The following MAGI1 variants were observed in gnomAD, a reference collection of about 807,000 sequenced individuals.
MAGI1 encodes the protein membrane associated guanylate kinase, WW and PDZ domain containing 1.
Under a neutral mutation model 139.9 loss-of-function variants are expected in MAGI1, and 58 were observed. The observed-to-expected ratio is 0.41, with a 90% CI of 0.34 to 0.52. The LOEUF (loss-of-function observed/expected upper bound fraction) is 0.52, where lower values mean the gene tolerates loss of function less well. MAGI1 is among the 20% of genes least tolerant of loss of function. The pLI is 0.12. For missense variants in MAGI1, 1,874 were observed against 1,901.6 expected (o/e 0.99, Z 0.27); for synonymous variants, 812 against 737.9 (o/e 1.10, Z -1.63).
intron 2 of MAGI1, among the ~76,000 whole-genome samples, chr3:65,505,434 C>T (rs1275291656): frequency 6.6e-6 from 1 of 150,548 alleles, no homozygotes; most frequent in African/African-American, 2.4e-5. Flanking sequence ...CATGGTAGCT[C>T]ACGAGTTCAA....
intron 2 of MAGI1, among the ~76,000 whole-genome samples, chr3:65,619,090 G>A (rs1162736294): frequency 6.6e-6 from 1 of 152,198 alleles, no homozygotes; most frequent in Admixed American, 6.5e-5. Context: ...AATAGCACTG[G>A]ATGAACACTT....
At chr3:65,414,127 G>A (rs1017710463) in intron 12 of MAGI1, among the ~76,000 whole-genome samples, 3 of 152,178 alleles carry the variant, frequency 2.0e-5, no homozygotes, top group Non-Finnish European at 4.4e-5. Flanking sequence ...AGTCAATGCA[G>A]ATGGTGATCT....
At chr3:65,984,185 T>C (rs1334217795) in intron 1 of MAGI1, among the ~76,000 whole-genome samples, 1 of 152,062 alleles carries the variant, frequency 6.6e-6, no homozygotes, top group African/African-American at 2.4e-5. Flanking sequence ...TCCCAGCTAC[T>C]TGGGAGGCTG....
chr3:65,779,305 A>G (rs1230063849), intron 1 of MAGI1, among the ~76,000 whole-genome samples: 1 of 152,204 alleles, frequency 6.6e-6, no homozygotes, highest in Non-Finnish European at 1.5e-5. Flanking sequence ...GTGCACAAAT[A>G]GAATATTCTG....
chr3:65,795,373 G>A (rs146110975), intron 1 of MAGI1, among the ~76,000 whole-genome samples: 2,016 of 152,224 alleles, frequency 0.013, 24 homozygotes, highest in Middle Eastern at 0.024. Flanking sequence ...ATGAACTGCT[G>A]ATACACACAG....
At chr3:65,543,399 G>A (rs1234281173) in intron 2 of MAGI1, among the ~76,000 whole-genome samples, 2 of 152,110 alleles carry the variant, frequency 1.3e-5, no homozygotes, top group Admixed American at 1.3e-4. Context: ...TGTTATTACT[G>A]GGTATATACC....
intron 1 of MAGI1, among the ~76,000 whole-genome samples, chr3:65,776,878 T>G (rs2038485520): frequency 6.6e-6 from 1 of 152,256 alleles, no homozygotes; most frequent in African/African-American, 2.4e-5. Flanking sequence ...CATCGCTGGC[T>G]GCTTCATTCA....
At chr3:65,782,290 G>A (rs1172205806) in intron 1 of MAGI1, among the ~76,000 whole-genome samples, 6 of 152,058 alleles carry the variant, frequency 3.9e-5, no homozygotes, top group Non-Finnish European at 8.8e-5. Context: ...TAGATGAATG[G>A]CACAGAAGGA....
intron 1 of MAGI1, among the ~76,000 whole-genome samples, chr3:65,975,484 A>G (rs1032441782): frequency 6.6e-6 from 1 of 152,082 alleles, no homozygotes; most frequent in African/African-American, 2.4e-5. Context: ...GGCCGGGCAC[A>G]GTGGCTCAAG....
At chr3:65,568,731 T>A (rs1486071629) in intron 2 of MAGI1, among the ~76,000 whole-genome samples, 1 of 152,208 alleles carries the variant, frequency 6.6e-6, no homozygotes, top group African/African-American at 2.4e-5. Flanking sequence ...TGTTGACTAT[T>A]AAATACCAGT....
chr3:66,032,106 C>T (rs933371258), intron 1 of MAGI1, among the ~76,000 whole-genome samples: 4 of 152,220 alleles, frequency 2.6e-5, no homozygotes, highest in Middle Eastern at 3.4e-3. Flanking sequence ...AAAGACAAAT[C>T]GAGAGAAAGG....
At position 65,365,344 on chromosome 3, in the gene MAGI1, A is replaced by T. The variant is rs115634018; in HGVS notation, c.3197-398T>A. Reference sequence around the variant, plus strand: ...AAGTCTGATAATTAATGTCTCTACCAATGTTTCCTGCAATTTATCAGCAAT... The same window carrying T: ...AAGTCTGATAATTAATGTCTCTACCTATGTTTCCTGCAATTTATCAGCAAT... On this transcript the variant is annotated intron_variant, in intron 18 of 22. Transcript: ENST00000402939. The T allele has an allele frequency of 3.5e-3, 1,287 of 370,358 alleles. 20 individuals carry two copies. The highest frequency in any genetic ancestry group is 0.024 in the African/African-American group (1,141 of 47,558). 22.9% of individuals were successfully genotyped at this position (370,358 alleles called of 1,614,324 possible). A position where few individuals can be genotyped will look rare whatever the true frequency, so the allele number is the denominator to read the frequency against.
chr3:65,379,991 C>T (rs900672145), intron 16 of MAGI1, among the ~76,000 whole-genome samples: 1 of 152,208 alleles, frequency 6.6e-6, no homozygotes, highest in African/African-American at 2.4e-5. Context: ...CATTACTTTC[C>T]AGTCACATTT....
chr3:65,592,555 GA>G (rs1451002899), intron 2 of MAGI1, among the ~76,000 whole-genome samples: 1 of 152,128 alleles, frequency 6.6e-6, no homozygotes, highest in Non-Finnish European at 1.5e-5. Context: ...ATGGGGAAAA[GA>G]AATTGACTTA....
At chr3:65,408,765 G>T (rs1945550494) in intron 12 of MAGI1, among the ~76,000 whole-genome samples, 1 of 152,174 alleles carries the variant, frequency 6.6e-6, no homozygotes, top group South Asian at 2.1e-4. Context: ...ACAGGAAAAG[G>T]TACATTCAGC....
rs138172957 is a variant in MAGI1, at chr3:65,383,891, C to T, written c.2417-268G>A. Among the ~76,000 whole-genome samples the T allele has an allele frequency of 3.3e-3, 496 of 152,318 alleles. 3 individuals are homozygous for T. Among genetic ancestry groups the T allele is most frequent in the African/African-American group, 0.011 (465 of 41,566 alleles). On this transcript the variant is annotated intron_variant, in intron 14 of 22. Transcript: ENST00000402939. ...ATCAAGCCCAAGCCATGATCCTTAACTACAAATAGTCAGCATTAACTGCTT... is the reference window on the plus strand; with the variant it reads ...ATCAAGCCCAAGCCATGATCCTTAATTACAAATAGTCAGCATTAACTGCTT...
intron 2 of MAGI1, among the ~76,000 whole-genome samples, chr3:65,533,553 C>T (rs890167431): frequency 2.0e-5 from 3 of 152,152 alleles, no homozygotes; most frequent in Non-Finnish European, 4.4e-5. Flanking sequence ...TCATTAAATA[C>T]GTAATTATTG....
At chr3:65,898,560 A>T (rs772445981) in intron 1 of MAGI1, among the ~76,000 whole-genome samples, 2 of 152,232 alleles carry the variant, frequency 1.3e-5, no homozygotes, top group African/African-American at 4.8e-5. Context: ...AAATAGGAGT[A>T]AGTTCATGGC....
intron 1 of MAGI1, among the ~76,000 whole-genome samples, chr3:65,990,854 G>C (rs1053674421): frequency 6.6e-6 from 1 of 152,118 alleles, no homozygotes; most frequent in African/African-American, 2.4e-5. Flanking sequence ...GGATGTGGTG[G>C]TGCATGCCTG....
Sources: gnomAD v4.1 joint callset for allele counts (sites outside exome capture counted in the v4.1 genomes callset) on GRCh38, gnomAD v4.1.1 for gene constraint, MANE v1.5 for transcripts, NCBI Gene and HGNC (gene_info 2026-07-23, HGNC 2026-07-21) for gene names.